The following VPS13B variants were observed in gnomAD, a reference collection of about 807,000 sequenced individuals.
VPS13B encodes the protein vacuolar protein sorting 13 homolog B.
A neutral mutation model predicts 426.4 loss-of-function variants in VPS13B; 285 were observed. That is an observed-to-expected ratio of 0.67 (90% CI 0.61 to 0.74). VPS13B has a LOEUF of 0.74. Among genes scored for constraint, VPS13B ranks in the 30% least tolerant of loss-of-function variants. The probability of loss-of-function intolerance (pLI) is 0.00; values close to 1 mark genes in which losing one functional copy is unlikely to be tolerated. For missense variants in VPS13B, 4,537 were observed against 4,782.6 expected (o/e 0.95, Z 1.51); for synonymous variants, 1,676 against 1,676.4 (o/e 1.00, Z 0.01).
intron 4 of VPS13B, among the ~76,000 whole-genome samples, chr8:99,100,061 A>G (rs1846646291): frequency 1.3e-5 from 2 of 152,168 alleles, no homozygotes; most frequent in South Asian, 2.1e-4. Flanking sequence ...ACTTGACACT[A>G]TCTTGTACCT....
At chr8:99,875,393 A>C in intron 61 of VPS13B, 25 bp from the exon 62 acceptor site, 1 of 1,614,108 alleles carries the variant, frequency 6.2e-7, no homozygotes, top group Non-Finnish European at 8.5e-7. Context: ...TCTGGCAACT[A>C]ATCTTTATTA....
intron 19 of VPS13B, among the ~76,000 whole-genome samples, chr8:99,339,303 C>G (rs1377751395): frequency 6.6e-6 from 1 of 151,884 alleles, no homozygotes; most frequent in Non-Finnish European, 1.5e-5. Context: ...GTAGGCTGTA[C>G]AGGAACGTGA....
At chr8:99,360,214 CTTTCTTTCTT>C (rs1563687288) in intron 19 of VPS13B, among the ~76,000 whole-genome samples, 2 of 18,988 alleles carry the variant, frequency 1.1e-4, no homozygotes, top group Middle Eastern at 0.036. Context: ...CTCTCTCTTT[CTTTCTTTCTT>C]TCTTTCTTTC....
intron 33 of VPS13B, among the ~76,000 whole-genome samples, chr8:99,584,158 G>A (rs1182631506): frequency 1.3e-5 from 2 of 152,134 alleles, no homozygotes; most frequent in African/African-American, 4.8e-5. Context: ...GCCTGGAAAA[G>A]ATATTAAGTA....
At position 99,835,302 on chromosome 8, in the gene VPS13B, G is replaced by A; in HGVS notation, c.9720G>A (p.Met3240Ile). Residue 3240 changes from methionine to isoleucine, a missense_variant, in exon 53 of 62, where the codon ATG becomes ATA. Met to Ile is a conservative substitution (Grantham distance 10, BLOSUM62 1). Coordinates refer to ENST00000357162, the MANE Select transcript of VPS13B (RefSeq NM_152564.5). ...TCCACAATAGATGTCCAGTAAAAAT[G>A]CTTATAAAGGAAAACATTAAAGGTA... Reference protein sequence around the residue: ...VIIHNRCPVKMLIKENIKDIP... With the variant: ...VIIHNRCPVKILIKENIKDIP... The A allele has an allele frequency of 6.2e-7, 1 of 1,611,996 alleles. No homozygotes were observed. Among genetic ancestry groups the A allele is most frequent in the Non-Finnish European group, 8.5e-7 (1 of 1,178,226 alleles).
At chr8:99,568,188 A>G (rs1825279615) in intron 31 of VPS13B, among the ~76,000 whole-genome samples, 1 of 151,894 alleles carries the variant, frequency 6.6e-6, no homozygotes, top group Admixed American at 6.6e-5. Context: ...AGTCAGAGAG[A>G]GTTTGAATTT....
In VPS13B at chr8:99,461,272, T is replaced by C. The variant is rs945879820; in HGVS notation, c.3446-6142T>C. Among the ~76,000 whole-genome samples, 4 of 152,174 alleles carry C rather than the reference T, an allele frequency of 2.6e-5. No individual in the cohort carries two copies. The East Asian group carries it at 7.7e-4, about 29-fold the overall frequency. Reference sequence around the variant, plus strand: ...TTATGACCTATGCAGAAAGAATTACTGGTGACTGCTTTATACTTAAGACAA... The same window carrying C: ...TTATGACCTATGCAGAAAGAATTACCGGTGACTGCTTTATACTTAAGACAA... On this transcript the variant is annotated intron_variant, in intron 23 of 61. Transcript: ENST00000357162.
At chr8:99,013,554 C>A (rs1841434059) in intron 1 of VPS13B, among the ~76,000 whole-genome samples, 1 of 152,198 alleles carries the variant, frequency 6.6e-6, no homozygotes, top group South Asian at 2.1e-4. Context: ...GTCACTACGT[C>A]TTCCTCCCTC....
chr8:99,491,049 A>C (rs1157496246), intron 25 of VPS13B, among the ~76,000 whole-genome samples: 3 of 152,198 alleles, frequency 2.0e-5, no homozygotes, highest in African/African-American at 4.8e-5. Context: ...TTAGTGCTAT[A>C]AATTTCCCTC....
chr8:99,588,063 A>G (rs1826399770), intron 33 of VPS13B, among the ~76,000 whole-genome samples: 1 of 151,798 alleles, frequency 6.6e-6, no homozygotes, highest in Non-Finnish European at 1.5e-5. Context: ...TCCCAGCACC[A>G]TTTATTAAAA....
At chr8:99,870,397 C>A (rs1817336317) in intron 59 of VPS13B, among the ~76,000 whole-genome samples, 1 of 152,118 alleles carries the variant, frequency 6.6e-6, no homozygotes, top group Non-Finnish European at 1.5e-5. Flanking sequence ...AAGCAATCCT[C>A]CCACCTTGAT....
Position 99,365,635 on chromosome 8 carries a change from G to T in VPS13B, c.2825-18573G>T, listed in dbSNP as rs565987460. Among the ~76,000 whole-genome samples, 5 of 149,634 alleles carry T rather than the reference G, an allele frequency of 3.3e-5. No individual in the cohort carries two copies. The East Asian group carries it at 1.0e-3, about 30-fold the overall frequency. On this transcript the variant is annotated intron_variant, in intron 19 of 61. Transcript: ENST00000357162. ...GGGTTCAAGCGATTCTTCTCCCTCA[G>T]CCTCCCGAGTAGCTGGGACTACAGG...
chr8:99,640,022 T>TAAGAAGAAGAAGAAGAAG (rs1278292892), intron 33 of VPS13B, among the ~76,000 whole-genome samples: 5 of 89,408 alleles, frequency 5.6e-5, no homozygotes, highest in African/African-American at 1.6e-4. Context: ...ATAATAATAA[T>TAAGAAGAAGAAGAAGAAG]AATAAGAAGA....
At position 99,720,654 on chromosome 8, in the gene VPS13B, G is replaced by C. The variant is rs528924431; in HGVS notation, c.6865+102G>C. ...AACAATCAAGATGGCTTTTTAAAGTGCGTTAAAATTTGCAGTACAAAAATA... is the reference window on the plus strand; with the variant it reads ...AACAATCAAGATGGCTTTTTAAAGTCCGTTAAAATTTGCAGTACAAAAATA... On this transcript the variant is annotated intron_variant, in intron 38 of 61. Coordinates refer to ENST00000357162, the MANE Select transcript of VPS13B (RefSeq NM_152564.5). 16 of 1,348,712 alleles carry C rather than the reference G, an allele frequency of 1.2e-5. No homozygotes were observed. In the African/African-American group the frequency reaches 2.3e-4, roughly 20 times the overall value. The allele number at this position is 1,348,712 out of a possible 1,614,324, so 83.5% of individuals were successfully genotyped here.
intron 23 of VPS13B, among the ~76,000 whole-genome samples, chr8:99,464,742 C>T (rs112450014): frequency 1.1e-3 from 167 of 152,248 alleles, no homozygotes; most frequent in African/African-American, 3.7e-3. Flanking sequence ...ACACATGTAA[C>T]GCATAGTCTC....
chr8:99,633,314 C>T (rs1249592614), intron 33 of VPS13B, among the ~76,000 whole-genome samples: 7 of 152,168 alleles, frequency 4.6e-5, no homozygotes, highest in Admixed American at 2.6e-4. Context: ...TTAATAAGCA[C>T]AGTCGACTTC....
At chr8:99,187,421 GT>G (rs1813281001) in intron 16 of VPS13B, among the ~76,000 whole-genome samples, 1 of 152,094 alleles carries the variant, frequency 6.6e-6, no homozygotes, top group Non-Finnish European at 1.5e-5. Flanking sequence ...AGTCATATTT[GT>G]TTATCCTTCT....
chr8:99,400,548 T>A (rs1814976681), intron 21 of VPS13B, among the ~76,000 whole-genome samples: 1 of 152,254 alleles, frequency 6.6e-6, no homozygotes. Context: ...TATCACTATT[T>A]AATGTAATAA....
At chr8:99,447,623 C>T (rs1332137587) in intron 23 of VPS13B, among the ~76,000 whole-genome samples, 1 of 152,032 alleles carries the variant, frequency 6.6e-6, no homozygotes, top group Non-Finnish European at 1.5e-5. Flanking sequence ...CAGCCCCTGG[C>T]TTTAATTATC....
Sources: allele counts gnomAD v4.1 joint callset (sites outside exome capture counted in the v4.1 genomes callset), GRCh38; gene constraint gnomAD v4.1.1; transcripts MANE v1.5; gene names NCBI Gene and HGNC (gene_info 2026-07-23, HGNC 2026-07-21).